STYXL1: variants seen among roughly 807,000 people sequenced by gnomAD.
The protein encoded by STYXL1 is serine/threonine/tyrosine interacting like 1, also known as serine/threonine/tyrosine-interacting-like protein 1.
STYXL1 carries 32 observed loss-of-function variants against 36.4 expected under a neutral mutation model. That is an observed-to-expected ratio of 0.88 (90% CI 0.66 to 1.18). STYXL1 has a LOEUF of 1.18. Ranked by LOEUF, STYXL1 falls within the 50% of genes most tolerant of loss-of-function variation. The pLI, the probability that STYXL1 is intolerant of heterozygous loss-of-function variation, is 0.00. For synonymous variants in STYXL1, 133 were observed against 144.1 expected, an observed-to-expected ratio of 0.92 and a Z score of 0.55; for missense variants, 354 against 394.1, an observed-to-expected ratio of 0.90 and a Z score of 0.86.
At chr7:76,033,304 C>T (rs1483421289) in intron 1 of STYXL1, among the ~76,000 whole-genome samples, 1 of 152,048 alleles carries the variant, frequency 6.6e-6, no homozygotes, top group African/African-American at 2.4e-5. Flanking sequence ...GCCATCATGC[C>T]CGGCTAAGTT....
At chr7:76,021,758 C>G (rs1355294842) in intron 4 of STYXL1, 93 bp downstream of exon 4, 1 of 908,788 alleles carries the variant, frequency 1.1e-6, no homozygotes, top group Non-Finnish European at 1.8e-6. Context: ...TTGGCCTGTT[C>G]CCGTGCCATG....
intron 8 of STYXL1, among the ~76,000 whole-genome samples, chr7:76,000,231 A>C (rs1318036208): frequency 9.8e-6 from 1 of 101,988 alleles, no homozygotes; most frequent in Non-Finnish European, 2.1e-5. Context: ...AAAAAAAAAA[A>C]AAAAAAAAAA....
intron 1 of STYXL1, among the ~76,000 whole-genome samples, chr7:76,036,321 G>A (rs1489301836): frequency 1.3e-5 from 2 of 149,652 alleles, no homozygotes; most frequent in Non-Finnish European, 1.5e-5. Context: ...GGCTGGCCTC[G>A]AACTCCTGAC....
At chr7:76,034,484 C>T (rs543682114) in intron 1 of STYXL1, among the ~76,000 whole-genome samples, 5 of 152,328 alleles carry the variant, frequency 3.3e-5, no homozygotes, top group Middle Eastern at 3.4e-3. Context: ...ACACTCTCCC[C>T]TCCCAAGAAA....
rs146492892 is a variant in STYXL1 at position 76,040,578 on chromosome 7, C to A, written c.-5+7084G>T. Reference sequence around the variant, plus strand: ...CTAAGGCTGGGCACGGTGGCTCACGCCTGCAATCCCAGCGCTTTGGGAGAC... The same window carrying A: ...CTAAGGCTGGGCACGGTGGCTCACGACTGCAATCCCAGCGCTTTGGGAGAC... On this transcript the variant is annotated intron_variant, in intron 1 of 8. Transcript: ENST00000359697. Among the ~76,000 whole-genome samples, 1,472 of 152,286 alleles carry A rather than the reference C, an allele frequency of 9.7e-3. 27 individuals are homozygous for A. Among genetic ancestry groups the A allele is most frequent in the African/African-American group, 0.032 (1,315 of 41,544 alleles).
At chr7:76,029,248 G>T (rs942645993) in intron 2 of STYXL1, among the ~76,000 whole-genome samples, 1 of 152,130 alleles carries the variant, frequency 6.6e-6, no homozygotes, top group Non-Finnish European at 1.5e-5. Flanking sequence ...CTGGGTTCAA[G>T]CGATTTTCCT....
intron 1 of STYXL1, among the ~76,000 whole-genome samples, chr7:76,039,820 G>A (rs782708656): frequency 3.3e-5 from 5 of 152,028 alleles, no homozygotes; most frequent in Non-Finnish European, 7.4e-5. Context: ...GCTAATTTTT[G>A]TATTTTTATA....
chr7:76,014,633 G>A (rs1649717649), intron 4 of STYXL1, among the ~76,000 whole-genome samples: 3 of 151,948 alleles, frequency 2.0e-5, no homozygotes. Flanking sequence ...GATTACAGGT[G>A]TGCTCAGCCT....
chr7:76,036,737 T>C (rs1445981710), intron 1 of STYXL1, among the ~76,000 whole-genome samples: 1 of 151,186 alleles, frequency 6.6e-6, no homozygotes, highest in Non-Finnish European at 1.5e-5. Flanking sequence ...ATGGCAAATT[T>C]AAGACATCCT....
chr7:76,028,568 G>A, intron 3 of STYXL1, 74 bp downstream of exon 3: 1 of 1,425,180 alleles, frequency 7.0e-7, no homozygotes, highest in South Asian at 1.2e-5. Flanking sequence ...TGGATTGAGG[G>A]TGAAACTTCC....
At chr7:76,019,280 TTC>T (rs1406525216) in intron 4 of STYXL1, among the ~76,000 whole-genome samples, 193 of 150,362 alleles carry the variant, frequency 1.3e-3, no homozygotes, top group Non-Finnish European at 2.0e-3. Context: ...AACTGTTTTT[TTC>T]TTTTTTTTTT....
At chr7:76,009,122 G>A (rs1425489896) in intron 5 of STYXL1, among the ~76,000 whole-genome samples, 1 of 152,122 alleles carries the variant, frequency 6.6e-6, no homozygotes, top group Non-Finnish European at 1.5e-5. Flanking sequence ...GGTTTGGCTG[G>A]GAAGAGGGTG....
intron 1 of STYXL1, among the ~76,000 whole-genome samples, chr7:76,032,973 C>T (rs892609459): frequency 1.3e-5 from 2 of 152,056 alleles, no homozygotes; most frequent in African/African-American, 2.4e-5. Context: ...GAGGCCAACA[C>T]AGATGGCCTC....
chr7:76,026,707 A>G (rs1554577823), intron 3 of STYXL1, among the ~76,000 whole-genome samples: 1 of 152,176 alleles, frequency 6.6e-6, no homozygotes, highest in Non-Finnish European at 1.5e-5. Context: ...AGGACAGACC[A>G]GCAGTTACAT....
chr7:76,021,979 T>C lies in STYXL1; in HGVS notation c.179A>G (p.Tyr60Cys), dbSNP rs1468554801. Residue 60 changes from tyrosine to cysteine, a missense_variant, in exon 4 of 9, where the codon TAT becomes TGT. Physicochemically the swap from Tyr to Cys is radical, Grantham distance 194. Transcript: ENST00000359697. ...CAGGTCCACAGACTCCGGGAGAAGA[T>C]ATTCATTATTTTTCTTAAAAAAAAA... The part of the protein sequence containing the change: ...ALRVKKKNNE[Y>C]LLPESVDLEC... The C allele has an allele frequency of 3.1e-6, 5 of 1,602,370 alleles. No individual in the cohort carries two copies. The highest frequency in any genetic ancestry group is 1.7e-5 in the Admixed American group (1 of 57,818).
chr7:76,005,735 T>C (rs1791587084), intron 5 of STYXL1, among the ~76,000 whole-genome samples: 1 of 151,902 alleles, frequency 6.6e-6, no homozygotes, highest in East Asian at 1.9e-4. Flanking sequence ...CAACCCAGCA[T>C]GTACTGGGGG....
rs781906413 is a variant in STYXL1 at position 76,021,968 on chromosome 7, C to T, written c.190G>A (p.Glu64Lys). Residue 64 changes from glutamate (E) to lysine (K), a missense_variant, in exon 4 of 9, where the codon GAG (glutamate) becomes AAG (lysine). Glu to Lys is a moderately conservative substitution (Grantham distance 56). Coordinates refer to ENST00000359697, the MANE Select transcript of STYXL1 (RefSeq NM_001317785.2). ...TTCACACACTCCAGGTCCACAGACT[C>T]CGGGAGAAGATATTCATTATTTTTC... ...KKKNNEYLLP[E>K]SVDLECVKYC... The T allele has an allele frequency of 1.2e-6, 2 of 1,610,050 alleles. No homozygotes were observed. The highest frequency in any genetic ancestry group is 1.7e-5 in the Admixed American group (1 of 59,418).
At chr7:76,027,559 G>C (rs1794860327) in intron 3 of STYXL1, among the ~76,000 whole-genome samples, 1 of 151,936 alleles carries the variant, frequency 6.6e-6, no homozygotes, top group Non-Finnish European at 1.5e-5. Context: ...AGGAGTTCAA[G>C]CCATGATTGT....
At chr7:76,020,348 A>C (rs1465893399) in intron 4 of STYXL1, among the ~76,000 whole-genome samples, 1 of 152,150 alleles carries the variant, frequency 6.6e-6, no homozygotes, top group African/African-American at 2.4e-5. Flanking sequence ...CTGGAACGGC[A>C]CCCACAGGTG....
Sources: gnomAD v4.1 joint callset for allele counts (sites outside exome capture counted in the v4.1 genomes callset) on GRCh38, gnomAD v4.1.1 for gene constraint, MANE v1.5 for transcripts, NCBI Gene and HGNC (gene_info 2026-07-23, HGNC 2026-07-21) for gene names.